Variants in MXI1 observed in about 807,000 individuals in gnomAD.
MXI1 encodes the protein max-interacting protein 1.
In MXI1, 18 loss-of-function variants were observed where a neutral mutation model predicts 36.9. The observed-to-expected ratio is 0.49, with a 90% CI of 0.34 to 0.72. The LOEUF (loss-of-function observed/expected upper bound fraction) is 0.72. MXI1 is among the 30% of genes least tolerant of loss of function. The pLI is 0.01. For missense variants in MXI1, 304 were observed against 379.1 expected (o/e 0.80, Z 1.64); for synonymous variants, 160 against 146.7 (o/e 1.09, Z -0.65).
intron 3 of MXI1, among the ~76,000 whole-genome samples, chr10:110,265,558 A>G (rs1856652517): frequency 6.6e-6 from 1 of 152,208 alleles, no homozygotes; most frequent in Non-Finnish European, 1.5e-5. Flanking sequence ...ACTTATAAAG[A>G]TAATTACAAA....
chr10:110,256,638 C>T lies in MXI1; in HGVS notation c.437+11781C>T, dbSNP rs536547089. Among the ~76,000 whole-genome samples the T allele has an allele frequency of 2.1e-4, 31 of 145,322 alleles. No individual in the cohort carries two copies. In the East Asian group the frequency reaches 5.9e-3, roughly 28 times the overall value. ...AAAAAAAAAAAAAAAAAGAAATGGCCAATATACATGTGAAATGCTTAATAT... is the reference window on the plus strand; with the variant it reads ...AAAAAAAAAAAAAAAAAGAAATGGCTAATATACATGTGAAATGCTTAATAT... On this transcript the variant is annotated intron_variant, in intron 3 of 5. Coordinates refer to ENST00000332674, the MANE Select transcript of MXI1 (RefSeq NM_130439.3).
At position 110,222,922 on chromosome 10, in the gene MXI1, A is replaced by G. The variant is rs372258953; in HGVS notation, c.275-5267A>G. Among the ~76,000 whole-genome samples the G allele has an allele frequency of 5.9e-5, 9 of 152,346 alleles. No individual in the cohort carries two copies. The East Asian group carries it at 1.5e-3, about 26-fold the overall frequency. On this transcript the variant is annotated intron_variant, in intron 1 of 5. Transcript: ENST00000332674. ...AAGGACTCCAGGAGGCAGCCAGCGCAGGGAGAAGGAAGTGGCACTTCAATT... is the reference window on the plus strand; with the variant it reads ...AAGGACTCCAGGAGGCAGCCAGCGCGGGGAGAAGGAAGTGGCACTTCAATT...
intron 3 of MXI1, among the ~76,000 whole-genome samples, chr10:110,260,355 T>C (rs1357031037): frequency 6.6e-6 from 1 of 151,982 alleles, no homozygotes; most frequent in Admixed American, 6.6e-5. Flanking sequence ...GTTAAGTAAT[T>C]ATTGGCATAT....
In MXI1 at chr10:110,280,029, T is replaced by C. The variant is rs758713100; in HGVS notation, c.668T>C (p.Ile223Thr). 1.1e-5 allele frequency: 18 copies of C among 1,607,546 alleles called. No homozygotes were observed. Among genetic ancestry groups the C allele is most frequent in the South Asian group, 4.4e-5 (4 of 90,432 alleles). ...QLQGPQEMERIRMDSIGSTIS... is the reference protein window; with the variant it reads ...QLQGPQEMERTRMDSIGSTIS... Reference sequence around the variant, plus strand: ...CAGGGTCCTCAGGAGATGGAACGAATACGAATGGACAGCATTGGATCAACT... The same window carrying C: ...CAGGGTCCTCAGGAGATGGAACGAACACGAATGGACAGCATTGGATCAACT... Residue 223 changes from isoleucine (I) to threonine (T), a missense_variant, in exon 5 of 6, where the codon ATA becomes ACA. By Grantham distance (89) the Ile-to-Thr change is moderately conservative (BLOSUM62 -1). Transcript: ENST00000332674.
intron 1 of MXI1, among the ~76,000 whole-genome samples, chr10:110,216,665 G>GTTTTTTGTTTTGTTTTGTTTTGTTTT (rs1554853670): frequency 1.6e-4 from 13 of 79,062 alleles, no homozygotes; most frequent in South Asian, 5.0e-4. Flanking sequence ...TGTGTTTAAT[G>GTTTTTTGTTTTGTTTTGTTTTGTTTT]TTTTTTTTTT....
intron 2 of MXI1, among the ~76,000 whole-genome samples, chr10:110,231,370 C>A (rs934467519): frequency 1.5e-4 from 23 of 150,928 alleles, no homozygotes; most frequent in African/African-American, 5.4e-4. Context: ...CCACCCCCCC[C>A]CCCTCAAAAA....
chr10:110,242,409 A>C (rs1855701212), intron 2 of MXI1, among the ~76,000 whole-genome samples: 1 of 152,038 alleles, frequency 6.6e-6, no homozygotes, highest in African/African-American at 2.4e-5. Flanking sequence ...ACAGGTAAAA[A>C]CCCATCAAAA....
At chr10:110,261,625 T>C (rs1252022347) in intron 3 of MXI1, among the ~76,000 whole-genome samples, 1 of 152,092 alleles carries the variant, frequency 6.6e-6, no homozygotes, top group African/African-American at 2.4e-5. Flanking sequence ...CTTTTTACTC[T>C]TAGATCTAGT....
intron 3 of MXI1, 135 bp downstream of exon 3, chr10:110,244,992 A>G: frequency 1.3e-6 from 1 of 787,166 alleles, no homozygotes; most frequent in Admixed American, 3.2e-5. Flanking sequence ...TGAATCTGAT[A>G]TATATGTATT....
At chr10:110,209,319 A>G (rs1854447027) in intron 1 of MXI1, among the ~76,000 whole-genome samples, 1 of 151,916 alleles carries the variant, frequency 6.6e-6, no homozygotes, top group African/African-American at 2.4e-5. Context: ...GTGTGTGTGT[A>G]CGTGTGCGCG....
chr10:110,226,162 G>C, intron 1 of MXI1: 2 of 1,389,142 alleles, frequency 1.4e-6, no homozygotes, highest in Non-Finnish European at 1.9e-6. Flanking sequence ...GCCTCCTGTC[G>C]GCCCGAGAAG....
chr10:110,221,172 A>G (rs1854796958), intron 1 of MXI1, among the ~76,000 whole-genome samples: 1 of 152,210 alleles, frequency 6.6e-6, no homozygotes, highest in South Asian at 2.1e-4. Flanking sequence ...ATCCTTTGGG[A>G]ATGCAACTTC....
At chr10:110,276,373 G>C (rs1460429996) in intron 3 of MXI1, among the ~76,000 whole-genome samples, 4 of 151,888 alleles carry the variant, frequency 2.6e-5, no homozygotes, top group Admixed American at 6.6e-5. Context: ...CATAAATTTA[G>C]GTCCTTTACT....
chr10:110,212,908 G>T (rs1564703413), intron 1 of MXI1, among the ~76,000 whole-genome samples: 2 of 152,162 alleles, frequency 1.3e-5, no homozygotes, highest in Admixed American at 6.5e-5. Context: ...TAACTTAAGA[G>T]AAAAGATCAC....
intron 3 of MXI1, among the ~76,000 whole-genome samples, chr10:110,268,455 A>G (rs1856754176): frequency 6.6e-6 from 1 of 152,222 alleles, no homozygotes; most frequent in African/African-American, 2.4e-5. Context: ...GTTGCAACCC[A>G]GATATAACTT....
At chr10:110,244,923 A>G (rs1413758829) in intron 3 of MXI1, 66 bp downstream of exon 3, 69 of 1,506,110 alleles carry the variant, frequency 4.6e-5, no homozygotes, top group Non-Finnish European at 6.3e-5. Context: ...TTACCTGTGA[A>G]AATAATGTAA....
intron 5 of MXI1, among the ~76,000 whole-genome samples, chr10:110,281,848 C>T (rs1316930950): frequency 2.6e-5 from 4 of 152,086 alleles, no homozygotes; most frequent in African/African-American, 9.7e-5. Context: ...GTTGTTGTTG[C>T]ACTTTTAATA....
intron 5 of MXI1, among the ~76,000 whole-genome samples, chr10:110,280,511 T>C (rs745450064): frequency 7.9e-5 from 12 of 151,786 alleles, no homozygotes; most frequent in Non-Finnish European, 1.8e-4. Context: ...AAATCCTGTC[T>C]CTACTAAAAA....
In MXI1 at chr10:110,287,108, C is replaced by T. The variant is rs561767430; in HGVS notation, c.*2121C>T. 8.5e-5 allele frequency: 13 copies of T among 152,278 alleles called. No homozygotes were observed. Among genetic ancestry groups the T allele is most frequent in the African/African-American group, 1.4e-4 (6 of 41,550 alleles). The allele number at this position is 152,278 out of a possible 1,614,324, so 9.4% of individuals were successfully genotyped here. ...TTTGTTTTGTTATTCTCATGGCCTT[C>T]GCTTGCATTATTTGGGCCTTCATTC... On this transcript the variant is annotated 3_prime_UTR_variant, in exon 6 of 6. Transcript: ENST00000332674.
Sources: allele counts gnomAD v4.1 joint callset (sites outside exome capture counted in the v4.1 genomes callset), GRCh38; gene constraint gnomAD v4.1.1; transcripts MANE v1.5; gene names NCBI Gene and HGNC (gene_info 2026-07-23, HGNC 2026-07-21).